The following PIK3R4 variants were observed in gnomAD, a reference collection of about 807,000 sequenced individuals.
The protein encoded by PIK3R4 is phosphoinositide 3-kinase regulatory subunit 4.
Under a neutral mutation model 136.5 loss-of-function variants are expected in PIK3R4, and 46 were observed. The ratio of observed to expected loss-of-function variants is 0.34; its 90% CI spans 0.27 to 0.43. PIK3R4 has a LOEUF of 0.43. Among genes scored for constraint, PIK3R4 ranks in the 20% least tolerant of loss-of-function variants. PIK3R4 has a pLI of 1.00. For synonymous variants in PIK3R4, 557 were observed against 566.7 expected (o/e 0.98, Z 0.24); for missense variants, 1,331 against 1,649.5 (o/e 0.81, Z 3.35).
intron 13 of PIK3R4, among the ~76,000 whole-genome samples, chr3:130,699,727 T>G (rs570970788): frequency 6.6e-6 from 1 of 152,222 alleles, no homozygotes; most frequent in Non-Finnish European, 1.5e-5. Context: ...AAACCCCATA[T>G]GCTTTTCTTA....
At chr3:130,695,416 T>A (rs932084956) in intron 13 of PIK3R4, among the ~76,000 whole-genome samples, 3 of 152,170 alleles carry the variant, frequency 2.0e-5, no homozygotes, top group African/African-American at 4.8e-5. Context: ...TCAGAAAATA[T>A]TAAATGGAAA....
intron 13 of PIK3R4, among the ~76,000 whole-genome samples, chr3:130,702,442 T>TAGCTCTAATACA (rs1178017634): frequency 1.5e-4 from 23 of 152,160 alleles, no homozygotes; most frequent in African/African-American, 5.3e-4. Context: ...GGTGTAAAAA[T>TAGCTCTAATACA]ATAGAGCTAA....
intron 7 of PIK3R4, among the ~76,000 whole-genome samples, chr3:130,721,621 T>C (rs4682636): frequency 0.35 from 53,802 of 152,024 alleles, 12,404 homozygotes; most frequent in African/African-American, 0.65. Context: ...CATTATGCTA[T>C]GTAAAATAAG....
At chr3:130,714,789 T>A (rs2066653240) in intron 9 of PIK3R4, among the ~76,000 whole-genome samples, 3 of 152,308 alleles carry the variant, frequency 2.0e-5, no homozygotes, top group Middle Eastern at 3.4e-3. Context: ...CATTCCTTTT[T>A]ATGGCTGCAT....
At chr3:130,721,336 C>CA (rs573651423) in intron 7 of PIK3R4, among the ~76,000 whole-genome samples, 4,580 of 75,886 alleles carry the variant, frequency 0.06, 99 homozygotes, top group Middle Eastern at 0.14. Context: ...GACTCCGTCT[C>CA]AAAAAAAAAA....
intron 7 of PIK3R4, 129 bp from the exon 8 acceptor site, chr3:130,718,663 A>G (rs1415869328): frequency 1.7e-5 from 12 of 720,456 alleles, no homozygotes; most frequent in Non-Finnish European, 2.6e-5. Flanking sequence ...GCCTTCACAT[A>G]CTCAATTACC....
rs138035318 is a variant in PIK3R4 at position 130,718,345 on chromosome 3, C to T, written c.2127+44G>A. The T allele has an allele frequency of 3.5e-3, 5,460 of 1,549,430 alleles. 8 individuals carry two copies. Among genetic ancestry groups the T allele is most frequent in the Middle Eastern group, 5.9e-3 (34 of 5,776 alleles). ...TCTCTAAACATTTTTTTTAAAGAGG[C>T]ACAGTTTGGAGGAAAGACTGACTCC... is the stretch of plus-strand genomic sequence containing the variant. On this transcript the variant is annotated intron_variant, in intron 8 of 19. Transcript: ENST00000356763.
intron 13 of PIK3R4, among the ~76,000 whole-genome samples, chr3:130,692,321 A>G (rs2066523972): frequency 6.6e-6 from 1 of 152,200 alleles, no homozygotes; most frequent in African/African-American, 2.4e-5. Flanking sequence ...ATTATAAGAA[A>G]TCAAAAAATA....
intron 9 of PIK3R4, among the ~76,000 whole-genome samples, chr3:130,713,457 G>A (rs1323652783): frequency 6.6e-6 from 1 of 152,174 alleles, no homozygotes; most frequent in Non-Finnish European, 1.5e-5. Flanking sequence ...AACGGGGGCT[G>A]GCATTGAAGG....
At chr3:130,715,625 T>C (rs2066660575) in intron 9 of PIK3R4, among the ~76,000 whole-genome samples, 1 of 152,188 alleles carries the variant, frequency 6.6e-6, no homozygotes, top group Admixed American at 6.5e-5. Flanking sequence ...CTTGTAAATA[T>C]GTTTAAGTTC....
chr3:130,700,852 C>T (rs528888535), intron 13 of PIK3R4, among the ~76,000 whole-genome samples: 93 of 152,286 alleles, frequency 6.1e-4, no homozygotes, highest in African/African-American at 2.2e-3. Flanking sequence ...ATTTTCTTAC[C>T]CTCTTTCCCA....
rs750845828 is a variant in PIK3R4, at chr3:130,705,669, T to C, written c.2824A>G (p.Thr942Ala). The C allele has an allele frequency of 2.5e-6, 4 of 1,612,398 alleles. No homozygotes were observed. Among genetic ancestry groups the C allele is most frequent in the Non-Finnish European group, 3.4e-6 (4 of 1,178,544 alleles). Reference sequence around the variant, plus strand: ...TGCTGGATGAGTTGCTGAAGTTCAGTTTTACAAGTTGTAATTCGAATCTGA... The same window carrying C: ...TGCTGGATGAGTTGCTGAAGTTCAGCTTTACAAGTTGTAATTCGAATCTGA... ...TYQIRITTCK[T>A]ELQQLIQQKR... The change falls in exon 12 of 20, where the codon ACT becomes GCT. Residue 942 changes from threonine (T) to alanine (A), a missense_variant. Transcript: ENST00000356763.
At chr3:130,701,109 G>GT (rs1367890608) in intron 13 of PIK3R4, among the ~76,000 whole-genome samples, 1 of 152,164 alleles carries the variant, frequency 6.6e-6, no homozygotes, top group African/African-American at 2.4e-5. Context: ...AACAAGCAGG[G>GT]TTTTTGCAAT....
intron 15 of PIK3R4, among the ~76,000 whole-genome samples, chr3:130,684,788 C>T (rs1314864549): frequency 6.6e-6 from 1 of 152,200 alleles, no homozygotes; most frequent in African/African-American, 2.4e-5. Flanking sequence ...CTTTACCAAT[C>T]CCAAAGTAGC....
At position 130,686,214 on chromosome 3, in the gene PIK3R4, T is replaced by C. The variant is rs1436407426; in HGVS notation, c.3472A>G (p.Ile1158Val). 2 of 1,606,146 alleles carry C rather than the reference T, an allele frequency of 1.2e-6. No individual in the cohort carries two copies. Among genetic ancestry groups the C allele is most frequent in the Admixed American group, 1.7e-5 (1 of 59,952 alleles). ...AATGACTTGAAAGTTAGCTTACCAA[T>C]GCAGAGCCAGCATTGGTGGATGTCC... is the stretch of plus-strand genomic sequence containing the variant. ...AVDIHQCWLC[I>V]GTSSGTMACW... is the part of the protein sequence containing the mutation. Residue 1158 changes from isoleucine (I) to valine (V), a missense_variant, in exon 15 of 20, where the codon ATT (isoleucine) becomes GTT (valine). Ile to Val is a conservative substitution (Grantham distance 29). Transcript: ENST00000356763.
intron 2 of PIK3R4, among the ~76,000 whole-genome samples, chr3:130,740,865 A>G (rs764734379): frequency 2.3e-4 from 35 of 152,226 alleles, no homozygotes; most frequent in Non-Finnish European, 4.4e-4. Flanking sequence ...TACCAATGAT[A>G]CAGCAACCAG....
chr3:130,701,456 G>C (rs1335597764), intron 13 of PIK3R4, among the ~76,000 whole-genome samples: 1 of 151,342 alleles, frequency 6.6e-6, no homozygotes, highest in East Asian at 1.9e-4. Flanking sequence ...TGGTTGCAGT[G>C]AGCCAGGATC....
intron 4 of PIK3R4, 135 bp downstream of exon 4, chr3:130,733,413 T>C: frequency 1.6e-6 from 1 of 621,834 alleles, no homozygotes; most frequent in Non-Finnish European, 2.9e-6. Context: ...AGAAATATTA[T>C]CAAAATGTAC....
intron 7 of PIK3R4, among the ~76,000 whole-genome samples, chr3:130,721,554 A>G (rs4682635): frequency 0.073 from 11,055 of 152,284 alleles, 715 homozygotes; most frequent in Admixed American, 0.21. Context: ...AATACTACTC[A>G]GCACTAAAAA....
Sources: allele counts gnomAD v4.1 joint callset (sites outside exome capture counted in the v4.1 genomes callset), GRCh38; gene constraint gnomAD v4.1.1; transcripts MANE v1.5; gene names NCBI Gene and HGNC (gene_info 2026-07-23, HGNC 2026-07-21).